The following XRCC1 variants were observed in gnomAD, a reference collection of about 807,000 sequenced individuals.
The protein encoded by XRCC1 is DNA repair protein XRCC1.
XRCC1 carries 52 observed loss-of-function variants against 83.3 expected under a neutral mutation model. The observed-to-expected ratio is 0.62, with a 90% CI of 0.50 to 0.79. XRCC1 has a LOEUF of 0.79. Ranked by LOEUF, XRCC1 falls within the 30% of genes least tolerant of loss-of-function variation. XRCC1 has a pLI of 0.00. For missense variants in XRCC1, 793 were observed against 823.5 expected (o/e 0.96, Z 0.45); for synonymous variants, 281 against 312.6 (o/e 0.90, Z 1.07).
intron 2 of XRCC1, among the ~76,000 whole-genome samples, chr19:43,562,226 A>C (rs1207574493): frequency 6.6e-6 from 1 of 151,588 alleles, no homozygotes; most frequent in Non-Finnish European, 1.5e-5. Context: ...CAGATGCTCC[A>C]ATCTGCTCTG....
intron 4 of XRCC1, 97 bp downstream of exon 4, chr19:43,554,549 G>A (rs985870992): frequency 4.9e-6 from 7 of 1,428,718 alleles, no homozygotes; most frequent in Admixed American, 2.3e-5. Flanking sequence ...GACACCAGCT[G>A]TCTACTCCTC....
intron 3 of XRCC1, among the ~76,000 whole-genome samples, chr19:43,558,825 A>T (rs1972665933): frequency 6.6e-6 from 1 of 151,608 alleles, no homozygotes; most frequent in Admixed American, 6.6e-5. Context: ...GAGAAAAGGC[A>T]AGTCTTTTTT....
chr19:43,551,949 A>G (rs1972580269), intron 9 of XRCC1, 68 bp downstream of exon 9: 1 of 1,544,952 alleles, frequency 6.5e-7, no homozygotes, highest in Non-Finnish European at 8.9e-7. Flanking sequence ...GAGAAAGCAC[A>G]AGGTGGAGGA....
chr19:43,562,133 G>A (rs1189992213), intron 2 of XRCC1, among the ~76,000 whole-genome samples: 5 of 133,134 alleles, frequency 3.8e-5, no homozygotes, highest in Admixed American at 8.1e-5. Context: ...GTGACAGAGC[G>A]AGACTCTGTC....
chr19:43,552,622 GC>G, intron 8 of XRCC1, among the ~76,000 whole-genome samples, 174 bp downstream of exon 8: 1 of 140,472 alleles, frequency 7.1e-6, no homozygotes, highest in Non-Finnish European at 1.5e-5. Flanking sequence ...TAGGCCCTCA[GC>G]CCCTCCTCCC....
intron 3 of XRCC1, among the ~76,000 whole-genome samples, chr19:43,560,547 G>C (rs1972687568): frequency 1.3e-5 from 2 of 152,204 alleles, no homozygotes; most frequent in African/African-American, 4.8e-5. Context: ...ATGGACTCTA[G>C]AAGCTGAAAT....
chr19:43,561,322 G>C (rs1972697150), intron 2 of XRCC1, among the ~76,000 whole-genome samples: 1 of 152,186 alleles, frequency 6.6e-6, no homozygotes, highest in African/African-American at 2.4e-5. Flanking sequence ...AGCTCTCCTT[G>C]ATAAGCACTT....
At chr19:43,569,874 A>C (rs1269385181) in intron 2 of XRCC1, among the ~76,000 whole-genome samples, 1 of 152,258 alleles carries the variant, frequency 6.6e-6, no homozygotes, top group Non-Finnish European at 1.5e-5. Context: ...AGATAAGAAA[A>C]GTTTATACCA....
Position 43,543,593 on chromosome 19 carries a change from C to T in XRCC1, c.1788+19G>A. On this transcript the variant is annotated intron_variant, in intron 16 of 16. Transcript: ENST00000262887. ...AAGGTGTGCCCGGGTCTCCCATTCT[C>T]TGCCTCTTTGGTACTCACCTCCTCA... 6.2e-7 allele frequency: 1 copy of T among 1,614,008 alleles called. No individual in the cohort carries two copies. Among genetic ancestry groups the T allele is most frequent in the Non-Finnish European group, 8.5e-7 (1 of 1,179,988 alleles).
rs1278530143 is a variant in XRCC1 at position 43,544,194 on chromosome 19, G to T, written c.1662C>A (p.Phe554Leu). 1 of 1,611,312 alleles carries T rather than the reference G, an allele frequency of 6.2e-7. No homozygotes were observed. The highest frequency in any genetic ancestry group is 8.5e-7 in the Non-Finnish European group (1 of 1,178,858). ...QGKHFFLYGE[F>L]PGDERRKLIR... ...TGAGTTTCCGCCGCTCGTCCCCAGG[G>T]AACTCCCCGTAAAGAAAGAAGTGCT... Residue 554 changes from phenylalanine (F) to leucine (L), a missense_variant, in exon 15 of 17, where the codon TTC becomes TTA. Transcript: ENST00000262887.
chr19:43,551,831 G>T, intron 9 of XRCC1, 144 bp from the exon 10 acceptor site: 1 of 977,432 alleles, frequency 1.0e-6, no homozygotes, highest in Non-Finnish European at 1.6e-6. Context: ...AAAAGAGGTT[G>T]GAGACCAAGG....
Position 43,552,876 on chromosome 19 carries a change from C to T in XRCC1, c.744G>A (p.Leu248=). ...PQESPKGKRK[L]DLNQEEKKTP... ...TCTTCTTTTCTTCTTGGTTCAAATC[C>T]AACTTCCTCTTCCCTTTGGGAGACT... Residue 248 remains leucine, a synonymous_variant, in exon 8 of 17, where the codon TTG becomes TTA. Transcript: ENST00000262887. 6.2e-7 allele frequency: 1 copy of T among 1,613,612 alleles called. No individual in the cohort carries two copies. Among genetic ancestry groups the T allele is most frequent in the Non-Finnish European group, 8.5e-7 (1 of 1,179,810 alleles).
In XRCC1 at chr19:43,546,995, C is replaced by T. The variant is rs1972519259; in HGVS notation, c.1200-18G>A. The T allele has an allele frequency of 1.9e-6, 3 of 1,612,250 alleles. No homozygotes were observed. Among genetic ancestry groups the T allele is most frequent in the African/African-American group, 2.7e-5 (2 of 74,984 alleles). ...TGAGGTACCTAGGGGACAAATCGGG[C>T]CTCAGACAAACAGGCCCAAGGGAAG... On this transcript the variant is annotated intron_variant, in intron 10 of 16. Coordinates refer to ENST00000262887, the MANE Select transcript of XRCC1 (RefSeq NM_006297.3).
rs1401300225 is a variant in XRCC1, at chr19:43,544,179, CCG to C, written c.1675_1676del (p.Arg559AlafsTer20). 1 of 1,610,816 alleles carries C rather than the reference CCG, an allele frequency of 6.2e-7. No homozygotes were observed. The highest frequency in any genetic ancestry group is 1.7e-5 in the Admixed American group (1 of 59,502). ...FLYGEFPGDE[R>X]RKLIRYVTAF... ...CTGTGACGTATCGGATGAGTTTCCG[CCG>C]CTCGTCCCCAGGGAACTCCCCGTAA... On this transcript the variant is annotated frameshift_variant, in exon 15 of 17. Coordinates refer to ENST00000262887, the MANE Select transcript of XRCC1 (RefSeq NM_006297.3). LOFTEE classifies it high-confidence loss of function.
chr19:43,557,000 G>C (rs1012944601), intron 3 of XRCC1, among the ~76,000 whole-genome samples: 4 of 150,496 alleles, frequency 2.7e-5, no homozygotes, highest in African/African-American at 7.3e-5. Flanking sequence ...GCAAGACTCT[G>C]CCAAAAAACA....
Position 43,575,427 on chromosome 19 carries a change from G to T in XRCC1, c.32C>A (p.Ser11Tyr), listed in dbSNP as rs765712118. Residue 11 changes from serine to tyrosine, a missense_variant, in exon 1 of 17, where the codon TCC becomes TAC. Transcript: ENST00000262887. MPEIRLRHVV[S>Y]CSSQDSTHCA... is the part of the protein sequence containing the mutation. ...CCTCACCGAGTCCTGGCTGCTGCAGGACACGACATGGCGGAGGCGGATCTC... is the reference window on the plus strand; with the variant it reads ...CCTCACCGAGTCCTGGCTGCTGCAGTACACGACATGGCGGAGGCGGATCTC... 1 of 1,611,570 alleles carries T rather than the reference G, an allele frequency of 6.2e-7. No homozygotes were observed. Among genetic ancestry groups the T allele is most frequent in the Non-Finnish European group, 8.5e-7 (1 of 1,178,116 alleles).
chr19:43,571,958 A>C (rs1385420571), intron 2 of XRCC1, among the ~76,000 whole-genome samples: 1 of 152,156 alleles, frequency 6.6e-6, no homozygotes, highest in African/African-American at 2.4e-5. Context: ...ACTTCCCCAC[A>C]TTCTGTCTTC....
intron 10 of XRCC1, among the ~76,000 whole-genome samples, chr19:43,549,708 C>G (rs1044064490): frequency 6.6e-6 from 1 of 152,062 alleles, no homozygotes; most frequent in African/African-American, 2.4e-5. Context: ...AGGTATGTGC[C>G]ACCACACCTG....
intron 8 of XRCC1, 119 bp downstream of exon 8, chr19:43,552,678 C>T: frequency 9.9e-7 from 1 of 1,012,174 alleles, no homozygotes. Context: ...CCCTCAGACC[C>T]AGGGGTCCAG....
Sources: allele counts gnomAD v4.1 joint callset (sites outside exome capture counted in the v4.1 genomes callset), GRCh38; gene constraint gnomAD v4.1.1; transcripts MANE v1.5; gene names NCBI Gene and HGNC (gene_info 2026-07-23, HGNC 2026-07-21).